The following NEK7 variants were observed in gnomAD, a reference collection of about 807,000 sequenced individuals.
NEK7 encodes the protein serine/threonine-protein kinase Nek7.
NEK7 carries 18 observed loss-of-function variants against 44.6 expected under a neutral mutation model. The observed-to-expected ratio is 0.40, with a 90% CI of 0.28 to 0.60. NEK7 has a LOEUF of 0.60. NEK7 is among the 20% of genes least tolerant of loss of function. The pLI is 0.38. For missense variants in NEK7, 256 were observed against 366.5 expected (o/e 0.70, Z 2.46); for synonymous variants, 130 against 121.1 (o/e 1.07, Z -0.48).
At chr1:198,234,204 C>T (rs1030023874) in intron 2 of NEK7, among the ~76,000 whole-genome samples, 2 of 152,072 alleles carry the variant, frequency 1.3e-5, no homozygotes, top group Middle Eastern at 3.4e-3. Context: ...TACTTAATTG[C>T]ACTATTACAT....
intron 1 of NEK7, among the ~76,000 whole-genome samples, chr1:198,159,439 A>G (rs925886178): frequency 1.3e-5 from 2 of 152,244 alleles, no homozygotes; most frequent in Non-Finnish European, 2.9e-5. Context: ...GAAGTTGGTC[A>G]GCAGACTAAA....
In NEK7 at chr1:198,278,878, G is replaced by A. The variant is rs184976829; in HGVS notation, c.482-76G>A. ...TAAAATAAATTTTAAATTCTGTCAC[G>A]AAAAGTAGTTGTTAATTCCTTTAAA... On this transcript the variant is annotated intron_variant, in intron 6 of 9. Transcript: ENST00000367385. 215 of 743,214 alleles carry A rather than the reference G, an allele frequency of 2.9e-4. 1 individual carries two copies. The highest frequency in any genetic ancestry group is 2.5e-4 in the Non-Finnish European group (108 of 436,690). 46.0% of individuals were successfully genotyped at this position (743,214 alleles called of 1,614,324 possible).
intron 1 of NEK7, among the ~76,000 whole-genome samples, chr1:198,222,914 G>T (rs1666111005): frequency 6.6e-6 from 1 of 152,092 alleles, no homozygotes; most frequent in Admixed American, 6.6e-5. Context: ...CACTACTTTG[G>T]CGAGGGCAGT....
intron 1 of NEK7, among the ~76,000 whole-genome samples, chr1:198,229,220 G>T (rs1666315785): frequency 6.6e-6 from 1 of 152,166 alleles, no homozygotes; most frequent in African/African-American, 2.4e-5. Context: ...GGTTCAGGGT[G>T]CTTCTGGATA....
chr1:198,304,230 A>T (rs1231269643), intron 9 of NEK7, among the ~76,000 whole-genome samples: 1 of 152,166 alleles, frequency 6.6e-6, no homozygotes, highest in Non-Finnish European at 1.5e-5. Context: ...CACAGTTTTC[A>T]AAAGACACTG....
chr1:198,220,777 G>A (rs534020955), intron 1 of NEK7: 1 of 152,124 alleles, frequency 6.6e-6, no homozygotes, highest in East Asian at 1.9e-4. Flanking sequence ...TCATTTTTTA[G>A]GTATCACATG....
chr1:198,230,476 C>T (rs944451893), intron 1 of NEK7, among the ~76,000 whole-genome samples: 2 of 151,970 alleles, frequency 1.3e-5, no homozygotes, highest in African/African-American at 4.8e-5. Context: ...AAAAATCTAA[C>T]ATCTATTCTT....
At chr1:198,157,446 G>A (rs998718782) in intron 1 of NEK7, among the ~76,000 whole-genome samples, 170 bp downstream of exon 1, 2 of 152,202 alleles carry the variant, frequency 1.3e-5, no homozygotes, top group African/African-American at 4.8e-5. Context: ...GGCGGATGGG[G>A]GTTTCGGTCT....
chr1:198,167,006 A>G (rs1664287999), intron 1 of NEK7, among the ~76,000 whole-genome samples: 1 of 152,214 alleles, frequency 6.6e-6, no homozygotes, highest in Non-Finnish European at 1.5e-5. Flanking sequence ...GGTATAAAAC[A>G]ACAAATTTAT....
At chr1:198,197,477 T>G (rs72751016) in intron 1 of NEK7, among the ~76,000 whole-genome samples, 3 of 152,242 alleles carry the variant, frequency 2.0e-5, no homozygotes, top group Admixed American at 2.0e-4. Flanking sequence ...CATATTTAAG[T>G]GTACAGCTCA....
intron 9 of NEK7, among the ~76,000 whole-genome samples, chr1:198,311,377 C>A (rs921111517): frequency 2.6e-5 from 4 of 152,170 alleles, no homozygotes; most frequent in African/African-American, 9.7e-5. Flanking sequence ...ATCATGTCAT[C>A]TGCAAACAGG....
intron 1 of NEK7, among the ~76,000 whole-genome samples, chr1:198,159,025 G>T (rs1351134218): frequency 6.6e-6 from 1 of 152,180 alleles, no homozygotes; most frequent in Non-Finnish European, 1.5e-5. Flanking sequence ...TCTCGGGGCC[G>T]GTGTGTGTGC....
At chr1:198,295,594 C>G (rs1288309016) in intron 8 of NEK7, among the ~76,000 whole-genome samples, 1 of 151,256 alleles carries the variant, frequency 6.6e-6, no homozygotes, top group African/African-American at 2.4e-5. Context: ...ATATACTATT[C>G]CTGTTTAACT....
intron 6 of NEK7, 57 bp from the exon 7 acceptor site, chr1:198,278,897 C>T: frequency 8.6e-6 from 8 of 927,884 alleles, no homozygotes; most frequent in African/African-American, 1.7e-5. Context: ...TTGTTAATTC[C>T]TTTAAAATTT....
At chr1:198,164,092 C>G (rs1281919377) in intron 1 of NEK7, among the ~76,000 whole-genome samples, 1 of 151,978 alleles carries the variant, frequency 6.6e-6, no homozygotes, top group Non-Finnish European at 1.5e-5. Flanking sequence ...AATGCAACAA[C>G]AACAACAACA....
At chr1:198,159,309 G>A (rs1664027357) in intron 1 of NEK7, among the ~76,000 whole-genome samples, 2 of 152,056 alleles carry the variant, frequency 1.3e-5, no homozygotes, top group South Asian at 2.1e-4. Flanking sequence ...AAGAAAGGAA[G>A]GAAGGAAGGA....
intron 1 of NEK7, among the ~76,000 whole-genome samples, chr1:198,168,743 CA>C (rs2102713066): frequency 6.6e-6 from 1 of 151,630 alleles, no homozygotes; most frequent in South Asian, 2.1e-4. Context: ...ATCCACAGAC[CA>C]AAGAAAGATA....
At chr1:198,166,524 C>T (rs1257135489) in intron 1 of NEK7, among the ~76,000 whole-genome samples, 1 of 152,276 alleles carries the variant, frequency 6.6e-6, no homozygotes, top group South Asian at 2.1e-4. Context: ...CTCTTTCTTT[C>T]ACTCGAACAC....
chr1:198,186,609 C>A (rs1441275861), intron 1 of NEK7, among the ~76,000 whole-genome samples: 2 of 152,270 alleles, frequency 1.3e-5, no homozygotes, highest in South Asian at 2.1e-4. Flanking sequence ...CCATGACAGA[C>A]AGTCTTTCCT....
Sources: gnomAD v4.1 joint callset for allele counts (sites outside exome capture counted in the v4.1 genomes callset) on GRCh38, gnomAD v4.1.1 for gene constraint, MANE v1.5 for transcripts, NCBI Gene and HGNC (gene_info 2026-07-23, HGNC 2026-07-21) for gene names.